Variants in GPR39 observed in about 807,000 individuals in gnomAD.
GPR39 encodes zinc sensing receptor.
Under a neutral mutation model 18.4 loss-of-function variants are expected in GPR39, and 23 were observed. The ratio of observed to expected loss-of-function variants is 1.25; its 90% CI spans 0.90 to 1.77. The LOEUF (loss-of-function observed/expected upper bound fraction) is 1.77, where lower values mean the gene tolerates loss of function less well. GPR39 is among the 40% of genes most tolerant of loss of function. The pLI is 0.00. For missense variants in GPR39, 647 were observed against 602.4 expected, an observed-to-expected ratio of 1.07 and a Z score of -0.78; for synonymous variants, 280 against 257.9, an observed-to-expected ratio of 1.09 and a Z score of -0.82.
intron 1 of GPR39, among the ~76,000 whole-genome samples, chr2:132,559,632 T>C (rs1426540692): frequency 6.6e-6 from 1 of 151,970 alleles, no homozygotes; most frequent in African/African-American, 2.4e-5. Context: ...GAGCTAACAT[T>C]GACACAGTCT....
chr2:132,437,854 G>A (rs1295449292), intron 1 of GPR39, among the ~76,000 whole-genome samples: 4 of 152,148 alleles, frequency 2.6e-5, no homozygotes, highest in Non-Finnish European at 5.9e-5. Context: ...GGAGCTAGAT[G>A]GCTCCTCCTA....
In GPR39 at chr2:132,570,868, C is replaced by T. The variant is rs577430891; in HGVS notation, c.857-74233C>T. ...AAATTCTGGGCCACCCTAGGGAGAA[C>T]ATTGACCTTAGCTAAGTTTCTTAAC... On this transcript the variant is annotated intron_variant, in intron 1 of 1. Transcript: ENST00000329321. 5.3e-5 allele frequency among the ~76,000 whole-genome samples: 8 copies of T among 152,298 alleles called. No individual in the cohort carries two copies. The East Asian group carries it at 1.2e-3, about 22-fold the overall frequency.
intron 1 of GPR39, among the ~76,000 whole-genome samples, chr2:132,614,760 C>T (rs1483793009): frequency 6.6e-6 from 1 of 151,954 alleles, no homozygotes; most frequent in African/African-American, 2.4e-5. Flanking sequence ...CCATGTAGGC[C>T]AGGCTGGTCT....
chr2:132,571,350 A>C (rs1052064996), intron 1 of GPR39, among the ~76,000 whole-genome samples: 1 of 152,224 alleles, frequency 6.6e-6, no homozygotes, highest in African/African-American at 2.4e-5. Context: ...ATCATTCTGC[A>C]GCAAAAATTT....
intron 1 of GPR39, among the ~76,000 whole-genome samples, chr2:132,584,157 A>G (rs72983685): frequency 0.017 from 2,519 of 152,102 alleles, 76 homozygotes; most frequent in African/African-American, 0.056. Context: ...TGCGGCAGAG[A>G]CCAGTGGGCA....
intron 1 of GPR39, among the ~76,000 whole-genome samples, chr2:132,494,108 C>T (rs1681592287): frequency 6.6e-6 from 1 of 151,978 alleles, no homozygotes; most frequent in Non-Finnish European, 1.5e-5. Flanking sequence ...CATGTATAGG[C>T]AGGTCTTTAA....
At chr2:132,550,406 AAC>A (rs780921286) in intron 1 of GPR39, among the ~76,000 whole-genome samples, 25 of 152,284 alleles carry the variant, frequency 1.6e-4, no homozygotes, top group Non-Finnish European at 2.9e-4. Flanking sequence ...CCTCTTGGAA[AAC>A]ACACTTGCAC....
At chr2:132,610,173 TC>T (rs1681215663) in intron 1 of GPR39, among the ~76,000 whole-genome samples, 1 of 152,124 alleles carries the variant, frequency 6.6e-6, no homozygotes, top group Non-Finnish European at 1.5e-5. Context: ...TGGTCACAGA[TC>T]CTCTATCAAG....
chr2:132,451,405 T>G (rs1002319410), intron 1 of GPR39, among the ~76,000 whole-genome samples: 23 of 152,212 alleles, frequency 1.5e-4, no homozygotes, highest in African/African-American at 5.3e-4. Context: ...TTGCCCATGT[T>G]GCTCATTGCT....
chr2:132,643,100 A>T (rs556316114), intron 1 of GPR39, among the ~76,000 whole-genome samples: 1 of 152,314 alleles, frequency 6.6e-6, no homozygotes, highest in South Asian at 2.1e-4. Context: ...TTTTTTTAAA[A>T]TCAGAAATTT....
intron 1 of GPR39, among the ~76,000 whole-genome samples, chr2:132,507,593 G>T (rs967510856): frequency 1.3e-5 from 2 of 152,102 alleles, no homozygotes; most frequent in African/African-American, 2.4e-5. Context: ...ATCACTACCT[G>T]GGGTTAGGTC....
chr2:132,607,445 G>A (rs1240194730), intron 1 of GPR39, among the ~76,000 whole-genome samples: 1 of 152,214 alleles, frequency 6.6e-6, no homozygotes, highest in Non-Finnish European at 1.5e-5. Flanking sequence ...GGCTTTGCAA[G>A]ACAATGTCTG....
chr2:132,527,284 G>C (rs1233713497), intron 1 of GPR39, among the ~76,000 whole-genome samples: 2 of 152,082 alleles, frequency 1.3e-5, no homozygotes, highest in Non-Finnish European at 2.9e-5. Context: ...TCTTTTCTAT[G>C]GCTACATAGT....
intron 1 of GPR39, among the ~76,000 whole-genome samples, chr2:132,598,548 G>C (rs1159705380): frequency 6.6e-6 from 1 of 150,964 alleles, no homozygotes; most frequent in Non-Finnish European, 1.5e-5. Context: ...AGCCCATGGA[G>C]AGGCCAGGAC....
chr2:132,540,222 T>G (rs577092826), intron 1 of GPR39, among the ~76,000 whole-genome samples: 5 of 150,780 alleles, frequency 3.3e-5, no homozygotes, highest in African/African-American at 9.8e-5. Context: ...ATATAAAACT[T>G]AAAATTGTCA....
At chr2:132,614,355 T>C (rs754173134) in intron 1 of GPR39, among the ~76,000 whole-genome samples, 1 of 151,592 alleles carries the variant, frequency 6.6e-6, no homozygotes, top group Non-Finnish European at 1.5e-5. Context: ...TACAGGTGCA[T>C]GCCACCACAC....
At chr2:132,624,817 TAGTC>T (rs1193627334) in intron 1 of GPR39, among the ~76,000 whole-genome samples, 2 of 152,242 alleles carry the variant, frequency 1.3e-5, no homozygotes, top group Non-Finnish European at 2.9e-5. Context: ...ATTCCACAGT[TAGTC>T]TGTGTTTTCT....
intron 1 of GPR39, among the ~76,000 whole-genome samples, chr2:132,518,080 A>C (rs10496688): frequency 0.016 from 2,431 of 152,342 alleles, 60 homozygotes; most frequent in African/African-American, 0.054. Context: ...CATAATAATA[A>C]GGCTTTAACA....
At chr2:132,491,730 C>T (rs938801012) in intron 1 of GPR39, among the ~76,000 whole-genome samples, 1 of 151,850 alleles carries the variant, frequency 6.6e-6, no homozygotes, top group Non-Finnish European at 1.5e-5. Flanking sequence ...CAGTAAAAAG[C>T]AGTGGTATTG....
Sources: gnomAD v4.1 joint callset for allele counts (sites outside exome capture counted in the v4.1 genomes callset) on GRCh38, gnomAD v4.1.1 for gene constraint, MANE v1.5 for transcripts, NCBI Gene and HGNC (gene_info 2026-07-23, HGNC 2026-07-21) for gene names.